Variants in ATP2B2 observed in about 807,000 individuals in gnomAD.
ATP2B2 encodes the protein ATPase plasma membrane Ca2+ transporting 2.
A neutral mutation model predicts 120.0 loss-of-function variants in ATP2B2; 15 were observed. The ratio of observed to expected loss-of-function variants is 0.12; its 90% CI spans 0.08 to 0.19. The LOEUF (loss-of-function observed/expected upper bound fraction) is 0.19, where lower values mean the gene tolerates loss of function less well. Ranked by LOEUF, ATP2B2 falls within the 10% of genes least tolerant of loss-of-function variation. ATP2B2 has a pLI of 1.00. For synonymous variants in ATP2B2, 694 were observed against 700.3 expected, an observed-to-expected ratio of 0.99 and a Z score of 0.14; for missense variants, 1,045 against 1,719.8, an observed-to-expected ratio of 0.61 and a Z score of 6.94.
intron 1 of ATP2B2, among the ~76,000 whole-genome samples, chr3:10,628,393 G>GACTGGGTGGTGGACACA: frequency 6.6e-6 from 1 of 152,214 alleles, no homozygotes; most frequent in African/African-American, 2.4e-5. Context: ...ACAGCAGCCA[G>GACTGGGTGGTGGACACA]GAGCAGCCCT....
chr3:10,326,759 G>A lies in ATP2B2; in HGVS notation c.*2055C>T. The A allele has an allele frequency of 2.5e-6, 1 of 399,034 alleles. No individual in the cohort carries two copies. Among genetic ancestry groups the A allele is most frequent in the Non-Finnish European group, 4.4e-6 (1 of 226,070 alleles). The allele number at this position is 399,034 out of a possible 1,614,324, so 24.7% of individuals were successfully genotyped here. On this transcript the variant is annotated 3_prime_UTR_variant, in exon 23 of 23. Transcript: ENST00000360273. ...GCTCTTGAAGGTCCTCCTTCCAGGA[G>A]GATTTTGCCAGGTGGGATGGGCTGA...
intron 1 of ATP2B2, among the ~76,000 whole-genome samples, chr3:10,683,277 C>T (rs1303053248): frequency 6.6e-6 from 1 of 151,930 alleles, no homozygotes; most frequent in Non-Finnish European, 1.5e-5. Context: ...GCATTTGTAA[C>T]CACACTCTCC....
rs993662920 is a variant in ATP2B2, at chr3:10,328,068, G to A, written c.*746C>T. ...TAAGTTAAAATAGAGCAATTTAAGC[G>A]GAAACAAGGCAACATGCCGGCAAAG... On this transcript the variant is annotated 3_prime_UTR_variant, in exon 23 of 23. Transcript: ENST00000360273. 6.6e-6 allele frequency: 1 copy of A among 151,382 alleles called. No homozygotes were observed. Among genetic ancestry groups the A allele is most frequent in the Non-Finnish European group, 1.5e-5 (1 of 67,888 alleles). The allele number at this position is 151,382 out of a possible 1,614,324, so 9.4% of individuals were successfully genotyped here.
chr3:10,496,883 C>T (rs148566711), intron 1 of ATP2B2, among the ~76,000 whole-genome samples: 2 of 152,240 alleles, frequency 1.3e-5, no homozygotes, highest in Non-Finnish European at 2.9e-5. Context: ...TGTCCTCCCC[C>T]CAACTCCAAT....
chr3:10,389,386 T>G (rs1252890738), intron 5 of ATP2B2, among the ~76,000 whole-genome samples: 1 of 152,182 alleles, frequency 6.6e-6, no homozygotes, highest in African/African-American at 2.4e-5. Context: ...GGGAGAAATA[T>G]GGTCTATACA....
At chr3:10,333,369 C>T (rs1324409849) in intron 22 of ATP2B2, among the ~76,000 whole-genome samples, 1 of 152,086 alleles carries the variant, frequency 6.6e-6, no homozygotes, top group Non-Finnish European at 1.5e-5. Flanking sequence ...ACTTCCTCAT[C>T]CCATCAAATT....
At chr3:10,426,753 G>C (rs1464845672) in intron 2 of ATP2B2, among the ~76,000 whole-genome samples, 1 of 152,124 alleles carries the variant, frequency 6.6e-6, no homozygotes, top group Non-Finnish European at 1.5e-5. Context: ...CTTCATTTCT[G>C]TGACAGTGGC....
chr3:10,525,852 A>G (rs981408932), intron 3 of ATP2B2, among the ~76,000 whole-genome samples: 3 of 152,034 alleles, frequency 2.0e-5, no homozygotes, highest in Admixed American at 1.3e-4. Flanking sequence ...CCAATTTGCC[A>G]CAGTCCCCAG....
At chr3:10,537,919 A>G (rs2067354022) in intron 2 of ATP2B2, among the ~76,000 whole-genome samples, 2 of 152,134 alleles carry the variant, frequency 1.3e-5, no homozygotes, top group South Asian at 4.1e-4. Flanking sequence ...TTTCTTCTTT[A>G]GCCCGTTAAT....
chr3:10,507,152 C>T (rs1421200553), upstream of ATP2B2, among the ~76,000 whole-genome samples: 2 of 152,216 alleles, frequency 1.3e-5, no homozygotes, highest in African/African-American at 4.8e-5. Flanking sequence ...CCTTGGCCTC[C>T]ACTGGGGCAA....
intron 16 of ATP2B2, 99 bp downstream of exon 16, chr3:10,350,013 C>T (rs1382558884): frequency 4.7e-6 from 6 of 1,274,774 alleles, no homozygotes; most frequent in Non-Finnish European, 5.6e-6. Context: ...GCGAGGGGCC[C>T]TTCCCTTCTG....
chr3:10,587,747 TTTTGTTTGTTTG>T (rs71055825), intron 2 of ATP2B2, among the ~76,000 whole-genome samples: 34 of 150,970 alleles, frequency 2.3e-4, no homozygotes, highest in African/African-American at 5.6e-4. Context: ...TTTCTGGTTT[TTTTGTTTGTTTG>T]TTTGTTTGTT....
chr3:10,609,514 G>C (rs747255433), intron 2 of ATP2B2, among the ~76,000 whole-genome samples: 1 of 152,228 alleles, frequency 6.6e-6, no homozygotes, highest in East Asian at 1.9e-4. Context: ...AGCCAACAGA[G>C]GCCATCGGTG....
intron 14 of ATP2B2, among the ~76,000 whole-genome samples, 174 bp downstream of exon 14, chr3:10,358,517 G>A (rs768381547): frequency 6.6e-6 from 1 of 152,208 alleles, no homozygotes; most frequent in Non-Finnish European, 1.5e-5. Flanking sequence ...GCCACATGTG[G>A]TCTACACTGT....
At chr3:10,509,750 G>A (rs2066722684), upstream of ATP2B2, among the ~76,000 whole-genome samples, 2 of 152,084 alleles carry the variant, frequency 1.3e-5, no homozygotes, top group Admixed American at 6.5e-5. Flanking sequence ...TGGAAGCCTC[G>A]CATCCACTCC....
intron 22 of ATP2B2, among the ~76,000 whole-genome samples, chr3:10,337,788 T>G (rs2060163612): frequency 6.6e-6 from 1 of 152,010 alleles, no homozygotes; most frequent in South Asian, 2.1e-4. Flanking sequence ...CGACCTGGCC[T>G]GCAGCTTCTG....
At chr3:10,521,124 C>A (rs991435697) in intron 3 of ATP2B2, among the ~76,000 whole-genome samples, 3 of 152,252 alleles carry the variant, frequency 2.0e-5, no homozygotes, top group African/African-American at 7.2e-5. Flanking sequence ...CAGCTTCAGA[C>A]TTCCGGGGCA....
intron 1 of ATP2B2, among the ~76,000 whole-genome samples, chr3:10,469,539 G>A (rs925658984): frequency 6.6e-6 from 1 of 152,212 alleles, no homozygotes; most frequent in Non-Finnish European, 1.5e-5. Context: ...AGAAGCCAGC[G>A]TCAGGCCCCC....
Position 10,446,579 on chromosome 3 carries a change from T to C in ATP2B2, c.199+2766A>G, listed in dbSNP as rs1053310213. 5.9e-5 allele frequency among the ~76,000 whole-genome samples: 9 copies of C among 152,200 alleles called. No individual in the cohort carries two copies. In the East Asian group the frequency reaches 1.7e-3, roughly 29 times the overall value. On this transcript the variant is annotated intron_variant, in intron 2 of 22. Coordinates refer to ENST00000360273, the MANE Select transcript of ATP2B2 (RefSeq NM_001001331.4). ...CAGCAGGCAAGTGGCAAAGCTGGGA[T>C]TTGAACCTGGGATGCCCAAGTTTGG...
Sources: allele counts gnomAD v4.1 joint callset (sites outside exome capture counted in the v4.1 genomes callset), GRCh38; gene constraint gnomAD v4.1.1; transcripts MANE v1.5; gene names NCBI Gene and HGNC (gene_info 2026-07-23, HGNC 2026-07-21).